Variants in PNPT1 observed in about 807,000 individuals in gnomAD.
PNPT1 encodes polyribonucleotide nucleotidyltransferase 1.
Under a neutral mutation model 119.5 loss-of-function variants are expected in PNPT1, and 53 were observed. The observed-to-expected ratio is 0.44, with a 90% confidence interval of 0.36 to 0.56. PNPT1 has a LOEUF of 0.56. PNPT1 is among the 20% of genes least tolerant of loss of function. PNPT1 has a pLI of 0.00. For missense variants in PNPT1, 948 were observed against 938.5 expected, an observed-to-expected ratio of 1.01 and a Z score of -0.13; for synonymous variants, 357 against 322.1, an observed-to-expected ratio of 1.11 and a Z score of -1.16.
chr2:55,684,386 C>A (rs983918428), intron 4 of PNPT1, among the ~76,000 whole-genome samples: 1 of 152,112 alleles, frequency 6.6e-6, no homozygotes, highest in African/African-American at 2.4e-5. Flanking sequence ...ATCACTTGAA[C>A]CCGGGAGGTA....
chr2:55,636,972 A>G (rs916134202), intron 27 of PNPT1, among the ~76,000 whole-genome samples: 6 of 152,236 alleles, frequency 3.9e-5, no homozygotes, highest in African/African-American at 1.4e-4. Context: ...TACTTGGACA[A>G]TAAGACTACA....
intron 5 of PNPT1, among the ~76,000 whole-genome samples, chr2:55,681,404 C>A (rs970920003): frequency 1.3e-5 from 2 of 151,582 alleles, no homozygotes; most frequent in South Asian, 4.2e-4. Context: ...GAGAATCTGT[C>A]TCTAAATAAA....
chr2:55,656,232 T>C lies in PNPT1; in HGVS notation c.1352-12A>G. On this transcript the variant is annotated splice_polypyrimidine_tract_variant and intron_variant, in intron 16 of 27. Coordinates refer to ENST00000447944, the MANE Select transcript of PNPT1 (RefSeq NM_033109.5). ...CTCAGCAAGAGCACCTAAATTAGAA[T>C]AGAAAACAATAAGTAAAAAATGTAT... 3 of 1,612,472 alleles carry C rather than the reference T, an allele frequency of 1.9e-6. No individual in the cohort carries two copies. Among genetic ancestry groups the C allele is most frequent in the Non-Finnish European group, 1.7e-6 (2 of 1,179,084 alleles).
At chr2:55,642,023 G>T (rs1423180588) in intron 25 of PNPT1, among the ~76,000 whole-genome samples, 1 of 151,918 alleles carries the variant, frequency 6.6e-6, no homozygotes. Flanking sequence ...TGTATTTTTA[G>T]TAGACATGGG....
chr2:55,662,033 A>G lies in PNPT1; in HGVS notation c.1177-7T>C. ...ATGTAACGGTACAAAGCACCTAAAA[A>G]AGAAAAAGAATTCCTCAGGCTTTAA... On this transcript the variant is annotated splice_region_variant and splice_polypyrimidine_tract_variant and intron_variant, in intron 13 of 27. Transcript: ENST00000447944. 6.4e-7 allele frequency: 1 copy of G among 1,554,152 alleles called. No individual in the cohort carries two copies. The highest frequency in any genetic ancestry group is 8.6e-7 in the Non-Finnish European group (1 of 1,158,350).
intron 1 of PNPT1, 43 bp downstream of exon 1, chr2:55,693,620 A>G (rs1298252333): frequency 6.2e-7 from 1 of 1,604,464 alleles, no homozygotes; most frequent in African/African-American, 1.3e-5. Context: ...CTGGCTGGAC[A>G]AGACACCTTA....
At chr2:55,638,165 C>T (rs1281317631) in intron 26 of PNPT1, among the ~76,000 whole-genome samples, 2 of 146,766 alleles carry the variant, frequency 1.4e-5, no homozygotes, top group East Asian at 2.0e-4. Flanking sequence ...AGCTGGGTGT[C>T]GTGGCACACG....
At chr2:55,670,223 G>A (rs537850765) in intron 11 of PNPT1, among the ~76,000 whole-genome samples, 4 of 150,978 alleles carry the variant, frequency 2.6e-5, no homozygotes, top group East Asian at 2.0e-4. Flanking sequence ...GTCTCGCTCC[G>A]TTGCCCAAGC....
At chr2:55,677,817 G>A (rs1282053042) in intron 8 of PNPT1, among the ~76,000 whole-genome samples, 1 of 151,208 alleles carries the variant, frequency 6.6e-6, no homozygotes, top group Non-Finnish European at 1.5e-5. Context: ...TCGGCTCACT[G>A]CAAGCTCTGC....
chr2:55,687,704 T>C lies in PNPT1; in HGVS notation c.163A>G (p.Lys55Glu), dbSNP rs978885327. Residue 55 changes from lysine (K) to glutamate (E), a missense_variant and splice_region_variant, in exon 2 of 28, where the codon AAA becomes GAA. Transcript: ENST00000447944. ...RAVAVDLGNR[K>E]LEISSGKLAR... Reference sequence around the variant, plus strand: ...AGCTTTCCAGAAGATATTTCTAATTTCCTGTTTAAAAATAAAAATGCAATA... The same window carrying C: ...AGCTTTCCAGAAGATATTTCTAATTCCCTGTTTAAAAATAAAAATGCAATA... 4 of 1,601,780 alleles carry C rather than the reference T, an allele frequency of 2.5e-6. No homozygotes were observed. Among genetic ancestry groups the C allele is most frequent in the Non-Finnish European group, 3.4e-6 (4 of 1,174,774 alleles).
In PNPT1 at chr2:55,644,640, T is replaced by C; in HGVS notation, c.1903A>G (p.Thr635Ala). Residue 635 changes from threonine to alanine, a missense_variant, in exon 23 of 28, where the codon ACA becomes GCA. Transcript: ENST00000447944. The stretch of plus-strand genomic sequence containing the variant: ...CCAAACTTCATACAACTCTTACCTG[T>C]TTCAGCCTGAAGTTTTTTTAAGTTA... ...GYNLKKLQAE[T>A]GVTISQVDEE... The C allele has an allele frequency of 6.2e-7, 1 of 1,605,096 alleles. No homozygotes were observed. The highest frequency in any genetic ancestry group is 8.5e-7 in the Non-Finnish European group (1 of 1,172,162).
intron 11 of PNPT1, among the ~76,000 whole-genome samples, chr2:55,668,758 C>T (rs1696816126): frequency 6.6e-6 from 1 of 152,176 alleles, no homozygotes; most frequent in Non-Finnish European, 1.5e-5. Flanking sequence ...TGCCAACACA[C>T]CTGGCTAATT....
chr2:55,638,249 C>T (rs534828270), intron 26 of PNPT1, among the ~76,000 whole-genome samples: 11 of 150,704 alleles, frequency 7.3e-5, no homozygotes, highest in Non-Finnish European at 1.6e-4. Flanking sequence ...TTGCAGTAAG[C>T]TGAGATTATG....
chr2:55,654,397 T>C (rs1696318209), intron 18 of PNPT1, among the ~76,000 whole-genome samples: 1 of 152,266 alleles, frequency 6.6e-6, no homozygotes, highest in South Asian at 2.1e-4. Flanking sequence ...TCTTGGCTTG[T>C]ATAAATCGAC....
intron 1 of PNPT1, among the ~76,000 whole-genome samples, chr2:55,688,104 CA>C (rs1697472638): frequency 6.6e-6 from 1 of 150,992 alleles, no homozygotes; most frequent in Non-Finnish European, 1.5e-5. Flanking sequence ...AATGCAGTGG[CA>C]CAATTACAGC....
At chr2:55,658,175 G>C (rs1301761061) in intron 15 of PNPT1, among the ~76,000 whole-genome samples, 1 of 152,134 alleles carries the variant, frequency 6.6e-6, no homozygotes, top group Admixed American at 6.5e-5. Context: ...GGAGGTTGCA[G>C]TGAGCCAAGA....
rs779060553 is a variant in PNPT1 at position 55,693,803 on chromosome 2, G to A, written c.21C>T (p.Cys7=). The part of the protein sequence containing the change: MAACRY[C]CSCLRLRPLS... ...GGGGCCGGAGCCGGAGGCACGAGCA[G>A]CAGTACCTGCAGGCCGCCATGACAC... The change falls in exon 1 of 28, where the codon TGC becomes TGT. Residue 7 remains cysteine (C), a synonymous_variant. Transcript: ENST00000447944. The A allele has an allele frequency of 8.7e-6, 14 of 1,613,706 alleles. No homozygotes were observed. The highest frequency in any genetic ancestry group is 1.7e-5 in the Admixed American group (1 of 60,012).
At chr2:55,677,810 G>A (rs914079492) in intron 8 of PNPT1, among the ~76,000 whole-genome samples, 2 of 151,386 alleles carry the variant, frequency 1.3e-5, no homozygotes, top group African/African-American at 4.9e-5. Flanking sequence ...TGTGATCTCG[G>A]CTCACTGCAA....
intron 3 of PNPT1, among the ~76,000 whole-genome samples, chr2:55,685,317 G>C (rs1697368412): frequency 6.6e-6 from 1 of 152,216 alleles, no homozygotes; most frequent in Non-Finnish European, 1.5e-5. Flanking sequence ...CTTGAGGCCA[G>C]GGTTTTAGAA....
Sources: allele counts gnomAD v4.1 joint callset (sites outside exome capture counted in the v4.1 genomes callset), GRCh38; gene constraint gnomAD v4.1.1; transcripts MANE v1.5; gene names NCBI Gene and HGNC (gene_info 2026-07-23, HGNC 2026-07-21).